DSG4: variants seen among roughly 807,000 people sequenced by gnomAD.
DSG4 encodes desmoglein-4.
A neutral mutation model predicts 93.1 loss-of-function variants in DSG4; 87 were observed. The ratio of observed to expected loss-of-function variants is 0.93; its 90% CI spans 0.79 to 1.12. The LOEUF is 1.12. Ranked by LOEUF, DSG4 falls within the 50% of genes most tolerant of loss-of-function variation. The pLI is 0.00. For synonymous variants in DSG4, 432 were observed against 452.9 expected, an observed-to-expected ratio of 0.95 and a Z score of 0.59; for missense variants, 1,373 against 1,285.7, an observed-to-expected ratio of 1.07 and a Z score of -1.04.
chr18:31,385,733 G>A (rs1484828803), intron 2 of DSG4, among the ~76,000 whole-genome samples: 2 of 152,056 alleles, frequency 1.3e-5, no homozygotes, highest in Non-Finnish European at 2.9e-5. Context: ...TGGTGAAATA[G>A]GGAATAGGTG....
chr18:31,399,527 C>A lies in DSG4; in HGVS notation c.1261C>A (p.Pro421Thr). The change falls in exon 9 of 16, where the codon CCT becomes ACT. Residue 421 changes from proline to threonine, a missense_variant. Transcript: ENST00000308128. ...YTAIDLDTGN[P>T]ATDVRYIIGH... ...AGCCATAGATTTGGACACAGGAAACCCTGCAACAGATGTCAGGTACTGCAA... is the reference window on the plus strand; with the variant it reads ...AGCCATAGATTTGGACACAGGAAACACTGCAACAGATGTCAGGTACTGCAA... 1 of 1,613,932 alleles carries A rather than the reference C, an allele frequency of 6.2e-7. No homozygotes were observed. Among genetic ancestry groups the A allele is most frequent in the Non-Finnish European group, 8.5e-7 (1 of 1,179,894 alleles).
intron 11 of DSG4, among the ~76,000 whole-genome samples, chr18:31,405,143 T>C (rs2072410461): frequency 6.6e-6 from 1 of 152,234 alleles, no homozygotes; most frequent in Admixed American, 6.5e-5. Flanking sequence ...AAAAATATTG[T>C]GTGCTATGGA....
intron 11 of DSG4, among the ~76,000 whole-genome samples, chr18:31,405,712 T>G (rs2072416857): frequency 6.6e-6 from 1 of 151,910 alleles, no homozygotes; most frequent in Non-Finnish European, 1.5e-5. Flanking sequence ...GGCAAAACCC[T>G]GTCTCTACTA....
intron 6 of DSG4, 58 bp from the exon 7 acceptor site, chr18:31,391,020 C>T (rs1598740044): frequency 1.2e-6 from 2 of 1,601,412 alleles, no homozygotes; most frequent in Non-Finnish European, 1.7e-6. Flanking sequence ...GCATTGAATG[C>T]ATTGGATTCT....
intron 15 of DSG4, 98 bp downstream of exon 15, chr18:31,411,546 G>T: frequency 7.3e-7 from 1 of 1,373,732 alleles, no homozygotes; most frequent in Non-Finnish European, 1.0e-6. Flanking sequence ...GAAATATGCT[G>T]TTATTCTCAA....
At position 31,389,033 on chromosome 18, in the gene DSG4, A is replaced by T; in HGVS notation, c.517+15A>T. The stretch of plus-strand genomic sequence containing the variant: ...TAGTGATGCCAGTAAGTAGAATGAC[A>T]TTCCTTCTCTACGTCACAGCATATC... On this transcript the variant is annotated intron_variant, in intron 5 of 15. Transcript: ENST00000308128. 6.2e-7 allele frequency: 1 copy of T among 1,612,572 alleles called. No homozygotes were observed. The highest frequency in any genetic ancestry group is 1.1e-5 in the South Asian group (1 of 91,040).
chr18:31,389,668 A>T (rs1423519761), intron 5 of DSG4, among the ~76,000 whole-genome samples: 1 of 152,028 alleles, frequency 6.6e-6, no homozygotes, highest in Non-Finnish European at 1.5e-5. Flanking sequence ...GATTTTACAT[A>T]CAGCACATGA....
At position 31,411,993 on chromosome 18, in the gene DSG4, C is replaced by T. The variant is rs116011464; in HGVS notation, c.2355+545C>T. On this transcript the variant is annotated intron_variant, in intron 15 of 15. Coordinates refer to ENST00000308128, the MANE Select transcript of DSG4 (RefSeq NM_177986.5). Reference sequence around the variant, plus strand: ...CTTATCCACCAACTGACCTTCACTACGAAAAGGGGTCCAGCAATAGCACTG... The same window carrying T: ...CTTATCCACCAACTGACCTTCACTATGAAAAGGGGTCCAGCAATAGCACTG... Among the ~76,000 whole-genome samples the T allele has an allele frequency of 2.7e-3, 412 of 152,162 alleles. 3 individuals carry two copies. The highest frequency in any genetic ancestry group is 9.4e-3 in the African/African-American group (392 of 41,506).
chr18:31,382,680 C>A (rs932591201), intron 1 of DSG4, among the ~76,000 whole-genome samples: 1 of 152,078 alleles, frequency 6.6e-6, no homozygotes, highest in Non-Finnish European at 1.5e-5. Flanking sequence ...TCCGGGAGAC[C>A]TGTACATAAA....
intron 1 of DSG4, among the ~76,000 whole-genome samples, chr18:31,381,741 C>T (rs1233230789): frequency 2.6e-5 from 4 of 152,028 alleles, no homozygotes; most frequent in Non-Finnish European, 5.9e-5. Flanking sequence ...CTCACTGCAA[C>T]GTCCCCCTCC....
At chr18:31,382,042 A>G (rs1239050764) in intron 1 of DSG4, among the ~76,000 whole-genome samples, 1 of 152,100 alleles carries the variant, frequency 6.6e-6, no homozygotes, top group Non-Finnish European at 1.5e-5. Flanking sequence ...AATGCAACCT[A>G]TCAAAAGGAC....
At chr18:31,405,932 A>G in intron 11 of DSG4, 145 bp from the exon 12 acceptor site, 4 of 652,694 alleles carry the variant, frequency 6.1e-6, no homozygotes, top group Non-Finnish European at 9.6e-6. Context: ...ATAAATGTTA[A>G]AAAAAAGTAC....
intron 1 of DSG4, among the ~76,000 whole-genome samples, chr18:31,378,291 C>T (rs1258803122): frequency 6.6e-6 from 1 of 152,166 alleles, no homozygotes; most frequent in Non-Finnish European, 1.5e-5. Flanking sequence ...AGGCAAGAAT[C>T]GGACTTGGTC....
chr18:31,409,712 G>A (rs373329021), intron 13 of DSG4, 33 bp from the exon 14 acceptor site: 845 of 1,613,808 alleles, frequency 5.2e-4, no homozygotes, highest in Non-Finnish European at 6.7e-4. Context: ...AACATAAAGC[G>A]TTTGTTTTTA....
intron 12 of DSG4, among the ~76,000 whole-genome samples, chr18:31,406,722 T>C (rs2072431466): frequency 6.6e-6 from 1 of 152,164 alleles, no homozygotes; most frequent in Admixed American, 6.5e-5. Flanking sequence ...GGACAATCTT[T>C]TGGAAAAGTG....
In DSG4 at chr18:31,411,282, C is replaced by G. The variant is rs1260703500; in HGVS notation, c.2189C>G (p.Ser730Trp). ...GGGGGCACGGTGGAAGGAGGTGTAT[C>G]GGGAGTGGAGCTCAACACAGGTATG... ...AAGGTVEGGV[S>W]GVELNTGMGT... The change falls in exon 15 of 16, where the codon TCG becomes TGG. Residue 730 changes from serine to tryptophan, a missense_variant. By Grantham distance (177) the Ser-to-Trp change is radical (BLOSUM62 -3). Transcript: ENST00000308128. 2 of 1,613,114 alleles carry G rather than the reference C, an allele frequency of 1.2e-6. No individual in the cohort carries two copies. The highest frequency in any genetic ancestry group is 2.2e-5 in the South Asian group (2 of 91,076).
At position 31,414,019 on chromosome 18, in the gene DSG4, A is replaced by G. The variant is rs1204305771; in HGVS notation, c.*424A>G. ...GGAAATATTTATATTAAAATTTTTAATTGAAAAGTTGAATGAAATGTACAT... is the reference window on the plus strand; with the variant it reads ...GGAAATATTTATATTAAAATTTTTAGTTGAAAAGTTGAATGAAATGTACAT... On this transcript the variant is annotated 3_prime_UTR_variant, in exon 16 of 16. Coordinates refer to ENST00000308128, the MANE Select transcript of DSG4 (RefSeq NM_177986.5). The G allele has an allele frequency of 1.2e-5, 2 of 162,610 alleles. No individual in the cohort carries two copies. Among genetic ancestry groups the G allele is most frequent in the African/African-American group, 4.8e-5 (2 of 41,526 alleles). The allele number at this position is 162,610 out of a possible 1,614,324, so 10.1% of individuals were successfully genotyped here. A position where few individuals can be genotyped will look rare whatever the true frequency, so the allele number is the denominator to read the frequency against.
chr18:31,406,831 G>T (rs948033031), intron 12 of DSG4, among the ~76,000 whole-genome samples: 1 of 151,604 alleles, frequency 6.6e-6, no homozygotes, highest in Non-Finnish European at 1.5e-5. Context: ...AGGCTGGAGT[G>T]CAGTGGCGCA....
Position 31,391,177 on chromosome 18 carries a change from G to C in DSG4, c.784G>C (p.Val262Leu), listed in dbSNP as rs776703259. 1 of 1,613,500 alleles carries C rather than the reference G, an allele frequency of 6.2e-7. No homozygotes were observed. Among genetic ancestry groups the C allele is most frequent in the Non-Finnish European group, 8.5e-7 (1 of 1,179,666 alleles). The change falls in exon 7 of 16, where the codon GTC becomes CTC. Residue 262 changes from valine to leucine, a missense_variant. By Grantham distance (32) the Val-to-Leu change is conservative. Coordinates refer to ENST00000308128, the MANE Select transcript of DSG4 (RefSeq NM_177986.5). ...TGACTGTAGAATCAAGGTTTTAGAC[G>C]TCAACGATAATTTCCCCACCTTAGA... ...ECDCRIKVLD[V>L]NDNFPTLEKT...
Sources: gnomAD v4.1 joint callset for allele counts (sites outside exome capture counted in the v4.1 genomes callset) on GRCh38, gnomAD v4.1.1 for gene constraint, MANE v1.5 for transcripts, NCBI Gene and HGNC (gene_info 2026-07-23, HGNC 2026-07-21) for gene names.